Variants in LRRTM4 observed in about 807,000 individuals in gnomAD.
The protein encoded by LRRTM4 is leucine rich repeat transmembrane neuronal 4.
Under a neutral mutation model 47.6 loss-of-function variants are expected in LRRTM4, and 25 were observed. The observed-to-expected ratio is 0.53, with a 90% confidence interval of 0.38 to 0.73. LRRTM4 has a LOEUF of 0.73. Among genes scored for constraint, LRRTM4 ranks in the 30% least tolerant of loss-of-function variants. LRRTM4 has a pLI of 0.00. For synonymous variants in LRRTM4, 311 were observed against 269.5 expected, an observed-to-expected ratio of 1.15 and a Z score of -1.51; for missense variants, 638 against 713.4, an observed-to-expected ratio of 0.89 and a Z score of 1.20.
intron 3 of LRRTM4, among the ~76,000 whole-genome samples, chr2:76,874,396 T>C (rs1254077600): frequency 6.6e-6 from 1 of 151,998 alleles, no homozygotes; most frequent in East Asian, 1.9e-4. Flanking sequence ...GCAAGGCAAA[T>C]GTCTTACCAC....
intron 3 of LRRTM4, among the ~76,000 whole-genome samples, chr2:76,796,598 T>G (rs1228383997): frequency 1.9e-5 from 2 of 108,094 alleles, no homozygotes; most frequent in East Asian, 3.5e-4. Context: ...CAGCTGAGGG[T>G]CCTCTCTGTT....
chr2:77,198,919 G>A (rs150277074), intron 3 of LRRTM4, among the ~76,000 whole-genome samples: 41 of 152,088 alleles, frequency 2.7e-4, no homozygotes, highest in Admixed American at 2.1e-3. Flanking sequence ...ACTACCTTCC[G>A]CAGACTGTAA....
intron 3 of LRRTM4, among the ~76,000 whole-genome samples, chr2:77,349,251 T>C (rs1335204006): frequency 2.0e-5 from 3 of 151,828 alleles, no homozygotes; most frequent in East Asian, 1.9e-4. Context: ...AAAATAAAAC[T>C]CTAGCTCATC....
intron 3 of LRRTM4, among the ~76,000 whole-genome samples, chr2:77,365,915 T>C (rs1172193020): frequency 1.3e-5 from 2 of 148,342 alleles, no homozygotes; most frequent in African/African-American, 4.9e-5. Flanking sequence ...CTATATTATA[T>C]ATATATAATA....
chr2:77,324,573 A>T (rs1377222851), intron 3 of LRRTM4, among the ~76,000 whole-genome samples: 3 of 152,166 alleles, frequency 2.0e-5, no homozygotes, highest in African/African-American at 4.8e-5. Flanking sequence ...CTGAGACAGG[A>T]AATAACTTTG....
At chr2:76,983,533 T>C (rs1676686662) in intron 3 of LRRTM4, among the ~76,000 whole-genome samples, 1 of 152,018 alleles carries the variant, frequency 6.6e-6, no homozygotes, top group Non-Finnish European at 1.5e-5. Context: ...CTCCTTCACT[T>C]TCCATCATGA....
chr2:76,919,294 G>A (rs779355234), intron 3 of LRRTM4, among the ~76,000 whole-genome samples: 9 of 152,078 alleles, frequency 5.9e-5, no homozygotes, highest in Non-Finnish European at 1.0e-4. Flanking sequence ...GCCATAAACC[G>A]CATTTTTAGT....
At chr2:76,782,040 C>T (rs1042856793) in intron 3 of LRRTM4, among the ~76,000 whole-genome samples, 4 of 152,146 alleles carry the variant, frequency 2.6e-5, no homozygotes, top group African/African-American at 9.7e-5. Flanking sequence ...TTTCACCTTC[C>T]TTTTGCTTTA....
intron 3 of LRRTM4, among the ~76,000 whole-genome samples, chr2:76,883,036 A>C (rs768327074): frequency 6.6e-6 from 1 of 152,132 alleles, no homozygotes; most frequent in Non-Finnish European, 1.5e-5. Flanking sequence ...TCAACTCCTT[A>C]CCATGGCCAT....
At chr2:77,027,141 G>A (rs1178494750) in intron 3 of LRRTM4, among the ~76,000 whole-genome samples, 1 of 151,858 alleles carries the variant, frequency 6.6e-6, no homozygotes, top group African/African-American at 2.4e-5. Flanking sequence ...CACGATTTAT[G>A]GACTATTTCC....
chr2:76,876,981 A>G (rs144194968), intron 3 of LRRTM4, among the ~76,000 whole-genome samples: 1,625 of 152,208 alleles, frequency 0.011, 27 homozygotes, highest in African/African-American at 0.036. Flanking sequence ...TTAGTGATAC[A>G]CAGTTTGCAC....
At chr2:76,868,960 C>T (rs190026928) in intron 3 of LRRTM4, among the ~76,000 whole-genome samples, 8 of 152,176 alleles carry the variant, frequency 5.3e-5, no homozygotes, top group Admixed American at 6.5e-5. Context: ...GATAGCATGT[C>T]CAATTGTTAA....
rs181597759 is a variant in LRRTM4 at position 77,028,762 on chromosome 2, G to A, written c.1552-279846C>T. Reference sequence around the variant, plus strand: ...TAAAATATTCATTAGCAGGCCTGGCGCGGTGGCTCACTCCTGTAATCCCAG... The same window carrying A: ...TAAAATATTCATTAGCAGGCCTGGCACGGTGGCTCACTCCTGTAATCCCAG... On this transcript the variant is annotated intron_variant, in intron 3 of 3. Transcript: ENST00000409884. Among the ~76,000 whole-genome samples, 386 of 151,972 alleles carry A rather than the reference G, an allele frequency of 2.5e-3. 5 individuals carry two copies. Among genetic ancestry groups the A allele is most frequent in the African/African-American group, 8.4e-3 (350 of 41,454 alleles).
intron 3 of LRRTM4, among the ~76,000 whole-genome samples, chr2:77,483,118 C>CAAAAAAAAAAAAAAAAAAAAAAAAA (rs776265725): frequency 3.3e-5 from 2 of 60,594 alleles, no homozygotes; most frequent in South Asian, 9.8e-4. Context: ...AAGACTGTCT[C>CAAAAAAAAAAAAAAAAAAAAAAAAA]AAAAAAAAAA....
chr2:76,796,983 A>G (rs371175946), intron 3 of LRRTM4, among the ~76,000 whole-genome samples: 8 of 152,098 alleles, frequency 5.3e-5, no homozygotes, highest in South Asian at 2.1e-4. Flanking sequence ...CCAAATCTAC[A>G]TCTGATTGGA....
chr2:76,913,156 C>T (rs1297319245), intron 3 of LRRTM4, among the ~76,000 whole-genome samples: 2 of 152,100 alleles, frequency 1.3e-5, no homozygotes, highest in Admixed American at 1.3e-4. Context: ...GTCTTTCCTG[C>T]TTTGCTTGTC....
rs774697360 is a variant in LRRTM4 at position 77,306,897 on chromosome 2, A to ATTTTTTTTT, written c.1551+211412_1551+211420dup. On this transcript the variant is annotated intron_variant, in intron 3 of 3. Coordinates refer to ENST00000409884, the MANE Select transcript of LRRTM4 (RefSeq NM_001134745.3). Reference sequence around the variant, plus strand: ...AAATAGCTATATACTGCTTTTCCATATTTTTTTTTTTTTTTTTTTTGAGAT... The same window carrying ATTTTTTTTT: ...AAATAGCTATATACTGCTTTTCCATATTTTTTTTTTTTTTTTTTTTTTTTTTTTTGAGAT... 7.4e-4 allele frequency among the ~76,000 whole-genome samples: 83 copies of ATTTTTTTTT among 112,412 alleles called. 2 individuals are homozygous for ATTTTTTTTT. Among genetic ancestry groups the ATTTTTTTTT allele is most frequent in the East Asian group, 3.4e-3 (13 of 3,842 alleles). 73.7% of individuals were successfully genotyped at this position (112,412 alleles called of 152,430 possible).
chr2:76,976,997 A>G (rs1306711373), intron 3 of LRRTM4, among the ~76,000 whole-genome samples: 1 of 126,814 alleles, frequency 7.9e-6, no homozygotes, highest in Non-Finnish European at 1.5e-5. Context: ...ACAGAAAAAA[A>G]GCATTAATAG....
intron 3 of LRRTM4, among the ~76,000 whole-genome samples, chr2:77,478,229 T>A (rs1677515474): frequency 6.6e-6 from 1 of 152,216 alleles, no homozygotes; most frequent in African/African-American, 2.4e-5. Flanking sequence ...ACACACCATT[T>A]CAAATTTTAT....
Sources: gnomAD v4.1 joint callset for allele counts (sites outside exome capture counted in the v4.1 genomes callset) on GRCh38, gnomAD v4.1.1 for gene constraint, MANE v1.5 for transcripts, NCBI Gene and HGNC (gene_info 2026-07-23, HGNC 2026-07-21) for gene names.